LUZP2: variants seen among roughly 807,000 people sequenced by gnomAD.
LUZP2 encodes the protein leucine zipper protein 2.
Under a neutral mutation model 51.6 loss-of-function variants are expected in LUZP2, and 52 were observed. The observed-to-expected ratio is 1.01, with a 90% confidence interval of 0.81 to 1.27. The LOEUF is 1.27. Among genes scored for constraint, LUZP2 ranks in the 50% most tolerant of loss-of-function variants. The pLI, the probability that LUZP2 is intolerant of heterozygous loss-of-function variation, is 0.00. For missense variants in LUZP2, 436 were observed against 395.4 expected, an observed-to-expected ratio of 1.10 and a Z score of -0.87; for synonymous variants, 154 against 137.3, an observed-to-expected ratio of 1.12 and a Z score of -0.85.
At chr11:24,510,934 C>T (rs2133775384) in intron 1 of LUZP2, among the ~76,000 whole-genome samples, 1 of 152,164 alleles carries the variant, frequency 6.6e-6, no homozygotes, top group Non-Finnish European at 1.5e-5. Context: ...CCTCGTGATC[C>T]AAGGTGGCCA....
intron 5 of LUZP2, among the ~76,000 whole-genome samples, chr11:24,780,164 A>C (rs1849047643): frequency 6.6e-6 from 1 of 152,190 alleles, no homozygotes; most frequent in South Asian, 2.1e-4. Flanking sequence ...TATTCAGGTT[A>C]TCATTAATAT....
chr11:24,965,230 C>T (rs1465524930), intron 7 of LUZP2, among the ~76,000 whole-genome samples: 1 of 148,956 alleles, frequency 6.7e-6, no homozygotes, highest in Non-Finnish European at 1.5e-5. Context: ...TCTTTGTTAT[C>T]AATTCTAGAC....
chr11:24,802,213 A>G (rs1173844494), intron 5 of LUZP2, among the ~76,000 whole-genome samples: 1 of 152,036 alleles, frequency 6.6e-6, no homozygotes, highest in Non-Finnish European at 1.5e-5. Flanking sequence ...CAGCATTTAT[A>G]TTTGTGTGAT....
At chr11:24,625,302 A>G (rs1430273054) in intron 1 of LUZP2, among the ~76,000 whole-genome samples, 1 of 151,592 alleles carries the variant, frequency 6.6e-6, no homozygotes, top group Non-Finnish European at 1.5e-5. Flanking sequence ...TGTATTGTAT[A>G]CTTGAAATTT....
At chr11:24,910,065 G>T (rs1007886474) in intron 6 of LUZP2, among the ~76,000 whole-genome samples, 1 of 152,130 alleles carries the variant, frequency 6.6e-6, no homozygotes, top group African/African-American at 2.4e-5. Flanking sequence ...TGGAACAAAG[G>T]TGATTCTTGC....
intron 5 of LUZP2, among the ~76,000 whole-genome samples, chr11:24,877,929 T>C (rs1306492205): frequency 1.3e-5 from 2 of 152,118 alleles, no homozygotes; most frequent in African/African-American, 4.8e-5. Context: ...TTGCTGTAAA[T>C]AACAGGATCT....
intron 7 of LUZP2, among the ~76,000 whole-genome samples, chr11:24,940,408 C>T (rs375058882): frequency 2.4e-4 from 37 of 152,036 alleles, no homozygotes; most frequent in African/African-American, 8.2e-4. Flanking sequence ...TTCTCTTTAT[C>T]CTCAACCCAT....
At chr11:24,984,428 A>G (rs1856127218) in intron 9 of LUZP2, among the ~76,000 whole-genome samples, 2 of 149,564 alleles carry the variant, frequency 1.3e-5, no homozygotes, top group Admixed American at 6.7e-5. Flanking sequence ...TGAGATCCTT[A>G]TGTAATATTA....
chr11:24,986,537 C>CTGTGTGTGTG (rs61367765), intron 9 of LUZP2, among the ~76,000 whole-genome samples: 1,533 of 145,800 alleles, frequency 0.011, 11 homozygotes, highest in African/African-American at 0.025. Flanking sequence ...TAGCATGCCT[C>CTGTGTGTGTG]TGTGTGTGTG....
chr11:25,015,649 A>G (rs1857127111), intron 9 of LUZP2, among the ~76,000 whole-genome samples: 1 of 152,152 alleles, frequency 6.6e-6, no homozygotes, highest in Non-Finnish European at 1.5e-5. Flanking sequence ...TTTGTAAATA[A>G]CACGACAGAG....
intron 5 of LUZP2, among the ~76,000 whole-genome samples, chr11:24,884,205 G>T (rs531047928): frequency 5.3e-5 from 8 of 151,994 alleles, no homozygotes; most frequent in Admixed American, 5.2e-4. Flanking sequence ...TGGACTGGCT[G>T]TTGAAAGTTA....
At chr11:24,714,181 T>C (rs1199641577) in intron 1 of LUZP2, among the ~76,000 whole-genome samples, 1 of 151,944 alleles carries the variant, frequency 6.6e-6, no homozygotes, top group African/African-American at 2.4e-5. Flanking sequence ...TTAGGACAAA[T>C]ACCTAATGCA....
intron 1 of LUZP2, among the ~76,000 whole-genome samples, chr11:24,631,617 G>A (rs1266828262): frequency 6.6e-6 from 1 of 151,888 alleles, no homozygotes; most frequent in Non-Finnish European, 1.5e-5. Context: ...TTTTATGGAG[G>A]ATTTTCACAC....
chr11:24,800,540 CA>C (rs34615618), intron 5 of LUZP2, among the ~76,000 whole-genome samples: 5,604 of 141,044 alleles, frequency 0.04, 280 homozygotes, highest in African/African-American at 0.12. Flanking sequence ...TCATTTAACT[CA>C]AAAAAAAAAA....
rs747778905 is a variant in LUZP2 at position 25,081,030 on chromosome 11, T to TTTTG, written c.*2375_*2376insGTTT. On this transcript the variant is annotated 3_prime_UTR_variant, in exon 12 of 12. Transcript: ENST00000336930. ...TCAAGTGGGCTTTGGATCCATATGATTTTTTTTTTTTTTTTTTTTTGAGAT... is the reference window on the plus strand; with the variant it reads ...TCAAGTGGGCTTTGGATCCATATGATTTTGTTTTTTTTTTTTTTTTTTTTGAGAT... 0.068 allele frequency: 520 copies of TTTTG among 7,678 alleles called. 9 individuals carry two copies. The highest frequency in any genetic ancestry group is 0.12 in the Middle Eastern group (1 of 8). 0.5% of individuals were successfully genotyped at this position (7,678 alleles called of 1,614,324 possible).
intron 9 of LUZP2, among the ~76,000 whole-genome samples, chr11:24,984,850 T>C (rs182622981): frequency 6.6e-6 from 1 of 151,450 alleles, no homozygotes; most frequent in Admixed American, 6.6e-5. Flanking sequence ...TTTTCTTTCC[T>C]CAGTGCTTGC....
chr11:24,761,154 G>T (rs1189430136), intron 4 of LUZP2, among the ~76,000 whole-genome samples: 3 of 152,066 alleles, frequency 2.0e-5, no homozygotes, highest in Non-Finnish European at 4.4e-5. Flanking sequence ...AAAGAAAAAA[G>T]GTTTAATTGG....
Position 24,784,083 on chromosome 11 carries a change from T to A in LUZP2, c.396+20775T>A, listed in dbSNP as rs182321755. On this transcript the variant is annotated intron_variant, in intron 5 of 11. Transcript: ENST00000336930. ...ACACGGAGTTTGGACTATTGATGCA[T>A]CCCTTCATGTTCAATTTCTTGTGAA... Among the ~76,000 whole-genome samples, 390 of 152,062 alleles carry A rather than the reference T, an allele frequency of 2.6e-3. 2 individuals carry two copies. The highest frequency in any genetic ancestry group is 8.9e-3 in the African/African-American group (370 of 41,524).
chr11:24,539,513 C>G (rs951750604), intron 1 of LUZP2, among the ~76,000 whole-genome samples: 3 of 151,912 alleles, frequency 2.0e-5, no homozygotes, highest in Admixed American at 6.6e-5. Context: ...AGTATCAAAT[C>G]AAGCATACAC....
Sources: allele counts gnomAD v4.1 joint callset (sites outside exome capture counted in the v4.1 genomes callset), GRCh38; gene constraint gnomAD v4.1.1; transcripts MANE v1.5; gene names NCBI Gene and HGNC (gene_info 2026-07-23, HGNC 2026-07-21).